ZBTB20: variants seen among roughly 807,000 people sequenced by gnomAD.
The protein encoded by ZBTB20 is zinc finger and BTB domain-containing protein 20.
A neutral mutation model predicts 56.9 loss-of-function variants in ZBTB20; 9 were observed. The ratio of observed to expected loss-of-function variants is 0.16; its 90% CI spans 0.10 to 0.28. The LOEUF is 0.28. ZBTB20 is among the 10% of genes least tolerant of loss of function. ZBTB20 has a pLI of 1.00. For missense variants in ZBTB20, 655 were observed against 1,003.0 expected, an observed-to-expected ratio of 0.65 and a Z score of 4.69; for synonymous variants, 417 against 420.7, an observed-to-expected ratio of 0.99 and a Z score of 0.11.
At chr3:114,389,860 GC>G (rs1218986831) in intron 7 of ZBTB20, among the ~76,000 whole-genome samples, 1 of 117,552 alleles carries the variant, frequency 8.5e-6, no homozygotes, top group East Asian at 2.7e-4. Flanking sequence ...CTGCACTCCA[GC>G]CTGGCAACAG....
At chr3:114,878,716 G>GATT (rs1333945027) in intron 4 of ZBTB20, among the ~76,000 whole-genome samples, 1 of 152,088 alleles carries the variant, frequency 6.6e-6, no homozygotes, top group Non-Finnish European at 1.5e-5. Flanking sequence ...TGGAAAAGGA[G>GATT]ATTATGTAAA....
intron 1 of ZBTB20, among the ~76,000 whole-genome samples, chr3:115,080,495 T>C (rs1182919713): frequency 6.6e-6 from 1 of 152,114 alleles, no homozygotes; most frequent in Non-Finnish European, 1.5e-5. Flanking sequence ...CTAGAAAATA[T>C]AGAAGAAAAG....
chr3:114,882,771 A>G (rs149264353), intron 4 of ZBTB20, among the ~76,000 whole-genome samples: 1 of 152,128 alleles, frequency 6.6e-6, no homozygotes, highest in Non-Finnish European at 1.5e-5. Context: ...CTACGCAAGT[A>G]CAGTTGAAAC....
chr3:114,510,280 T>G lies in ZBTB20; in HGVS notation c.-294-9889A>C, dbSNP rs74470303. Among the ~76,000 whole-genome samples the G allele has an allele frequency of 2.4e-3, 361 of 152,318 alleles. 2 individuals carry two copies. Among genetic ancestry groups the G allele is most frequent in the Admixed American group, 8.2e-3 (126 of 15,288 alleles). ...GCCTGAGCCGACACTTCAAGGGAAG[T>G]CCATTCATCTCTGACCAATGAAGCC... On this transcript the variant is annotated intron_variant, in intron 6 of 11. Coordinates refer to ENST00000675478, the MANE Select transcript of ZBTB20 (RefSeq NM_001348800.3).
Position 114,338,081 on chromosome 3 carries a change from T to C in ZBTB20, c.*924A>G, listed in dbSNP as rs1334587348. The C allele has an allele frequency of 2.7e-5, 4 of 149,044 alleles. No homozygotes were observed. Among genetic ancestry groups the C allele is most frequent in the Non-Finnish European group, 4.5e-5 (3 of 67,118 alleles). The allele number at this position is 149,044 out of a possible 1,614,324, so 9.2% of individuals were successfully genotyped here. On this transcript the variant is annotated 3_prime_UTR_variant, in exon 12 of 12. Transcript: ENST00000675478. ...TTTTTCTTTTTCTCTTCCACAAGAA[T>C]ATATCCTGACACTTTTTTTTTTTTT...
chr3:114,512,166 G>T (rs1294754266), intron 6 of ZBTB20, among the ~76,000 whole-genome samples: 1 of 83,552 alleles, frequency 1.2e-5, no homozygotes, highest in Non-Finnish European at 2.1e-5. Flanking sequence ...AATAGACAGG[G>T]ATAGGAATAT....
intron 6 of ZBTB20, among the ~76,000 whole-genome samples, chr3:114,620,680 T>A (rs754618726): frequency 6.6e-6 from 1 of 152,202 alleles, no homozygotes; most frequent in Non-Finnish European, 1.5e-5. Flanking sequence ...TCATTGATCC[T>A]CCACTCAGAC....
intron 7 of ZBTB20, among the ~76,000 whole-genome samples, chr3:114,466,092 G>A (rs1350432610): frequency 6.6e-6 from 1 of 152,024 alleles, no homozygotes; most frequent in Non-Finnish European, 1.5e-5. Flanking sequence ...GATCTCTAGG[G>A]AAGTGATCCA....
intron 6 of ZBTB20, among the ~76,000 whole-genome samples, chr3:114,576,447 A>G (rs1239537247): frequency 7.8e-6 from 1 of 128,268 alleles, no homozygotes; most frequent in African/African-American, 2.9e-5. Flanking sequence ...GCTTGCAGTG[A>G]GTCGAGATCG....
intron 7 of ZBTB20, among the ~76,000 whole-genome samples, chr3:114,488,323 CT>C (rs1197576119): frequency 6.6e-6 from 1 of 152,160 alleles, no homozygotes; most frequent in Non-Finnish European, 1.5e-5. Context: ...GCTCATTTGT[CT>C]TTTCCAATTT....
intron 7 of ZBTB20, among the ~76,000 whole-genome samples, chr3:114,454,204 GA>G: frequency 6.7e-6 from 1 of 150,134 alleles, no homozygotes; most frequent in South Asian, 2.1e-4. Context: ...GAGAGAGAGA[GA>G]GAGAGAAATT....
chr3:114,856,286 T>G (rs562905444), intron 4 of ZBTB20, among the ~76,000 whole-genome samples: 82 of 152,306 alleles, frequency 5.4e-4, no homozygotes, highest in African/African-American at 1.8e-3. Flanking sequence ...TGAGGTAGTA[T>G]TATTATGATT....
At chr3:114,952,080 G>T (rs2077084725) in intron 3 of ZBTB20, among the ~76,000 whole-genome samples, 2 of 152,040 alleles carry the variant, frequency 1.3e-5, no homozygotes, top group South Asian at 4.1e-4. Flanking sequence ...ACAATAACAA[G>T]AAGTCTAGCA....
intron 1 of ZBTB20, among the ~76,000 whole-genome samples, chr3:115,110,599 A>T (rs914647995): frequency 6.6e-6 from 1 of 152,236 alleles, no homozygotes; most frequent in Admixed American, 6.5e-5. Flanking sequence ...AATTACATTA[A>T]ATTTTATTTT....
intron 6 of ZBTB20, among the ~76,000 whole-genome samples, chr3:114,682,043 T>G (rs1205665847): frequency 3.9e-5 from 6 of 152,202 alleles, no homozygotes; most frequent in Non-Finnish European, 8.8e-5. Context: ...TTCAAAGTAA[T>G]TCTGCTTTTT....
intron 10 of ZBTB20, among the ~76,000 whole-genome samples, chr3:114,374,531 C>G (rs919904315): frequency 2.8e-4 from 42 of 152,276 alleles, no homozygotes; most frequent in African/African-American, 1.0e-3. Context: ...CATAAATAAA[C>G]TCTTTCAGAG....
rs367872090 is a variant in ZBTB20, at chr3:114,903,920, T to A, written c.-455-3578A>T. Among the ~76,000 whole-genome samples the A allele has an allele frequency of 2.4e-4, 37 of 152,144 alleles. No homozygotes were observed. The Middle Eastern group carries it at 0.01, about 42-fold the overall frequency. On this transcript the variant is annotated intron_variant, in intron 3 of 11. Coordinates refer to ENST00000675478, the MANE Select transcript of ZBTB20 (RefSeq NM_001348800.3). ...TTAGAGTCAGTTTTTTTCTTATGGC[T>A]GGGAAGACAGAAATGGATGCATACT...
chr3:114,950,133 A>C (rs1428500256), intron 3 of ZBTB20, among the ~76,000 whole-genome samples: 1 of 152,180 alleles, frequency 6.6e-6, no homozygotes, highest in African/African-American at 2.4e-5. Flanking sequence ...GATCTCTCTT[A>C]TACAGTAGTC....
At chr3:114,797,416 C>T (rs1487457901) in intron 5 of ZBTB20, among the ~76,000 whole-genome samples, 1 of 151,766 alleles carries the variant, frequency 6.6e-6, no homozygotes, top group East Asian at 1.9e-4. Flanking sequence ...GTTCTCCTGA[C>T]TTTCATTTAT....
Sources: allele counts gnomAD v4.1 joint callset (sites outside exome capture counted in the v4.1 genomes callset), GRCh38; gene constraint gnomAD v4.1.1; transcripts MANE v1.5; gene names NCBI Gene and HGNC (gene_info 2026-07-23, HGNC 2026-07-21).